The following LRBA variants were observed in gnomAD, a reference collection of about 807,000 sequenced individuals.
LRBA encodes LPS responsive beige-like anchor protein.
A neutral mutation model predicts 330.0 loss-of-function variants in LRBA; 176 were observed. That is an observed-to-expected ratio of 0.53 (90% confidence interval 0.47 to 0.60). The LOEUF (loss-of-function observed/expected upper bound fraction) is 0.60. LRBA is among the 20% of genes least tolerant of loss of function. The pLI, the probability that LRBA is intolerant of heterozygous loss-of-function variation, is 0.00. For synonymous variants in LRBA, 1,230 were observed against 1,193.0 expected, an observed-to-expected ratio of 1.03 and a Z score of -0.64; for missense variants, 3,259 against 3,444.8, an observed-to-expected ratio of 0.95 and a Z score of 1.35.
Position 150,640,155 on chromosome 4 carries a change from C to A in LRBA, c.5922-41024G>T, listed in dbSNP as rs1287980158. Among the ~76,000 whole-genome samples the A allele has an allele frequency of 1.2e-4, 18 of 151,830 alleles. No homozygotes were observed. The South Asian group carries it at 3.7e-3, about 32-fold the overall frequency. On this transcript the variant is annotated intron_variant, in intron 37 of 56. Transcript: ENST00000651943. ...TACAGGCATGAGCCACCACGCCCGG[C>A]CCCAATTTATTTTTAATTTCAAAAA...
intron 37 of LRBA, among the ~76,000 whole-genome samples, chr4:150,626,719 T>G (rs1275990679): frequency 2.0e-5 from 3 of 152,152 alleles, no homozygotes; most frequent in Admixed American, 2.0e-4. Context: ...CAAATTAAGA[T>G]TTCACTGCCA....
intron 47 of LRBA, among the ~76,000 whole-genome samples, chr4:150,358,540 A>T (rs2151836711): frequency 6.6e-6 from 1 of 152,302 alleles, no homozygotes; most frequent in Non-Finnish European, 1.5e-5. Flanking sequence ...CTCTTTAAAA[A>T]ATTAGTAAAG....
intron 21 of LRBA, 22 bp downstream of exon 21, chr4:150,868,160 A>C (rs771814104): frequency 6.9e-6 from 11 of 1,590,884 alleles, no homozygotes; most frequent in Middle Eastern, 1.7e-4. Context: ...ACTGCAAATA[A>C]ATGCTTTCTG....
chr4:150,434,903 TA>T (rs1750908446), intron 46 of LRBA, among the ~76,000 whole-genome samples: 1 of 151,664 alleles, frequency 6.6e-6, no homozygotes, highest in South Asian at 2.1e-4. Context: ...CATGGTGCCT[TA>T]CATGCTTTAC....
intron 47 of LRBA, among the ~76,000 whole-genome samples, chr4:150,402,355 C>T (rs1745606138): frequency 6.8e-6 from 1 of 148,134 alleles, no homozygotes; most frequent in African/African-American, 2.5e-5. Flanking sequence ...AGTATATGAA[C>T]AAAAAAAGTG....
intron 24 of LRBA, 55 bp from the exon 25 acceptor site, chr4:150,849,630 T>G: frequency 6.9e-7 from 1 of 1,453,224 alleles, no homozygotes; most frequent in Non-Finnish European, 9.6e-7. Flanking sequence ...AAATCACAGT[T>G]TGCCTACTTG....
At chr4:150,991,216 A>G (rs1055390011) in intron 2 of LRBA, among the ~76,000 whole-genome samples, 2 of 152,332 alleles carry the variant, frequency 1.3e-5, no homozygotes. Context: ...CCAAGTGCTG[A>G]CAAGGATGGA....
intron 9 of LRBA, among the ~76,000 whole-genome samples, chr4:150,911,887 G>T (rs758648497): frequency 6.6e-6 from 1 of 151,710 alleles, no homozygotes; most frequent in African/African-American, 2.4e-5. Context: ...AGGTCTTTTC[G>T]GATTTTTTAA....
chr4:150,454,000 T>C (rs559039667), intron 44 of LRBA, among the ~76,000 whole-genome samples: 1 of 152,230 alleles, frequency 6.6e-6, no homozygotes, highest in African/African-American at 2.4e-5. Context: ...GTCTCACTGT[T>C]ACCGAGGCTG....
chr4:150,534,175 A>G (rs1339388251), intron 40 of LRBA, among the ~76,000 whole-genome samples: 1 of 151,596 alleles, frequency 6.6e-6, no homozygotes, highest in Admixed American at 6.6e-5. Context: ...TATAATAATT[A>G]CAATGTTATA....
At chr4:150,385,637 C>T (rs1742946719) in intron 47 of LRBA, among the ~76,000 whole-genome samples, 1 of 152,094 alleles carries the variant, frequency 6.6e-6, no homozygotes, top group African/African-American at 2.4e-5. Flanking sequence ...GTCAAGCTCT[C>T]TTGGGACAGT....
chr4:150,821,289 A>C (rs1031956401), intron 30 of LRBA, among the ~76,000 whole-genome samples: 1 of 151,930 alleles, frequency 6.6e-6, no homozygotes, highest in Non-Finnish European at 1.5e-5. Context: ...TCTTATTATC[A>C]TTTTTTTCTT....
At chr4:150,683,436 G>T in intron 37 of LRBA, 115 bp downstream of exon 37, 1 of 825,154 alleles carries the variant, frequency 1.2e-6, no homozygotes, top group Non-Finnish European at 2.0e-6. Flanking sequence ...GATGATGAAA[G>T]ACAAAATTAA....
chr4:150,921,122 G>T, intron 5 of LRBA, 76 bp downstream of exon 5: 1 of 884,444 alleles, frequency 1.1e-6, no homozygotes, highest in East Asian at 2.4e-5. Flanking sequence ...CCTGTCAGGG[G>T]TGTTCACAGG....
At chr4:150,720,497 T>C (rs1728792915) in intron 36 of LRBA, among the ~76,000 whole-genome samples, 2 of 151,888 alleles carry the variant, frequency 1.3e-5, no homozygotes, top group Non-Finnish European at 2.9e-5. Context: ...TACAAATAAA[T>C]ATCCCGGACA....
At chr4:150,327,928 C>T in intron 48 of LRBA, among the ~76,000 whole-genome samples, 1 of 152,118 alleles carries the variant, frequency 6.6e-6, no homozygotes, top group Admixed American at 6.5e-5. Context: ...TCAAAATATA[C>T]CACAGGGCTA....
chr4:150,823,555 G>C (rs1745778852), intron 30 of LRBA, among the ~76,000 whole-genome samples: 1 of 152,022 alleles, frequency 6.6e-6, no homozygotes, highest in African/African-American at 2.4e-5. Flanking sequence ...GTCCTGGAGA[G>C]TTTTTCCAAT....
chr4:150,509,726 A>T (rs75816855), intron 40 of LRBA, among the ~76,000 whole-genome samples: 22,679 of 152,192 alleles, frequency 0.15, 1,706 homozygotes, highest in Middle Eastern at 0.18. Flanking sequence ...TATAACAGGA[A>T]TTACCAATAT....
chr4:150,362,498 A>T (rs548398510), intron 47 of LRBA, among the ~76,000 whole-genome samples: 1 of 152,314 alleles, frequency 6.6e-6, no homozygotes, highest in South Asian at 2.1e-4. Flanking sequence ...TCCCTAAAGC[A>T]GTGGATCTCC....
Sources: allele counts gnomAD v4.1 joint callset (sites outside exome capture counted in the v4.1 genomes callset), GRCh38; gene constraint gnomAD v4.1.1; transcripts MANE v1.5; gene names NCBI Gene and HGNC (gene_info 2026-07-23, HGNC 2026-07-21).